Variants in ASXL3 observed in about 807,000 individuals in gnomAD.
The protein encoded by ASXL3 is ASXL transcriptional regulator 3, also known as putative Polycomb group protein ASXL3.
ASXL3 carries 34 observed loss-of-function variants against 170.6 expected under a neutral mutation model. The observed-to-expected ratio is 0.20, with a 90% CI of 0.15 to 0.27. The LOEUF (loss-of-function observed/expected upper bound fraction) is 0.27, where lower values mean the gene tolerates loss of function less well. Among genes scored for constraint, ASXL3 ranks in the 10% least tolerant of loss-of-function variants. The pLI is 1.00. For missense variants in ASXL3, 2,592 were observed against 2,695.3 expected (o/e 0.96, Z 0.85); for synonymous variants, 1,002 against 989.1 (o/e 1.01, Z -0.24).
At chr18:33,679,972 T>C (rs2066488766) in intron 7 of ASXL3, among the ~76,000 whole-genome samples, 1 of 152,032 alleles carries the variant, frequency 6.6e-6, no homozygotes, top group Admixed American at 6.5e-5. Context: ...TTCATTATTC[T>C]TTTCTGTTTA....
In ASXL3 at chr18:33,746,646, G is replaced by A; in HGVS notation, c.*51G>A. Reference sequence around the variant, plus strand: ...CTTTTCCACACGGAAAAGCCAAATAGCATCAGCAACAACAAATAGAATAAT... The same window carrying A: ...CTTTTCCACACGGAAAAGCCAAATAACATCAGCAACAACAAATAGAATAAT... On this transcript the variant is annotated 3_prime_UTR_variant, in exon 12 of 12. Transcript: ENST00000269197. 5 of 1,507,646 alleles carry A rather than the reference G, an allele frequency of 3.3e-6. No individual in the cohort carries two copies. The highest frequency in any genetic ancestry group is 4.4e-6 in the Non-Finnish European group (5 of 1,134,500). The allele number at this position is 1,507,646 out of a possible 1,614,324, so 93.4% of individuals were successfully genotyped here.
At position 33,670,810 on chromosome 18, in the gene ASXL3, T is replaced by C; in HGVS notation, c.595+20T>C. 8.2e-6 allele frequency: 12 copies of C among 1,472,322 alleles called. No homozygotes were observed. Among genetic ancestry groups the C allele is most frequent in the Non-Finnish European group, 1.1e-5 (12 of 1,091,036 alleles). The allele number at this position is 1,472,322 out of a possible 1,614,324, so 91.2% of individuals were successfully genotyped here. Reference sequence around the variant, plus strand: ...CTTCAGGTAAAGAGCTGAAATATCATATGCTTGGCCAGTTTCTTCCTGGAG... The same window carrying C: ...CTTCAGGTAAAGAGCTGAAATATCACATGCTTGGCCAGTTTCTTCCTGGAG... On this transcript the variant is annotated intron_variant, in intron 6 of 11. Transcript: ENST00000269197.
At chr18:33,697,992 G>A (rs1482662457) in intron 8 of ASXL3, among the ~76,000 whole-genome samples, 1 of 152,036 alleles carries the variant, frequency 6.6e-6, no homozygotes, top group Non-Finnish European at 1.5e-5. Context: ...CCAGTAGATG[G>A]ATAGTGGTGC....
At chr18:33,622,204 C>T (rs2065525832) in intron 2 of ASXL3, among the ~76,000 whole-genome samples, 1 of 152,024 alleles carries the variant, frequency 6.6e-6, no homozygotes, top group Non-Finnish European at 1.5e-5. Context: ...GCAGCTAAAT[C>T]CAATATAATT....
chr18:33,700,342 G>A (rs2066849527), intron 8 of ASXL3, among the ~76,000 whole-genome samples: 1 of 151,990 alleles, frequency 6.6e-6, no homozygotes, highest in Admixed American at 6.6e-5. Flanking sequence ...AGGGGACAGA[G>A]GACTGCTTCC....
intron 4 of ASXL3, among the ~76,000 whole-genome samples, chr18:33,658,846 G>T (rs973834160): frequency 1.3e-5 from 2 of 152,038 alleles, no homozygotes; most frequent in Non-Finnish European, 1.5e-5. Context: ...TAAGGAAAAT[G>T]AATCATTTTT....
intron 7 of ASXL3, among the ~76,000 whole-genome samples, chr18:33,681,068 G>A (rs2066506415): frequency 6.6e-6 from 1 of 151,344 alleles, no homozygotes; most frequent in Non-Finnish European, 1.5e-5. Flanking sequence ...TACTTCCAGA[G>A]TTTTAATGAA....
rs539693787 is a variant in ASXL3 at position 33,675,999 on chromosome 18, C to T, written c.715+4133C>T. On this transcript the variant is annotated intron_variant, in intron 7 of 11. Coordinates refer to ENST00000269197, the MANE Select transcript of ASXL3 (RefSeq NM_030632.3). ...CAGCACTTTGGGAGGCCAAGGCGGG[C>T]GGATCACGAGGTCAGGAGATCGAGA... Among the ~76,000 whole-genome samples, 625 of 151,710 alleles carry T rather than the reference C, an allele frequency of 4.1e-3. 4 individuals carry two copies. The highest frequency in any genetic ancestry group is 6.3e-3 in the Non-Finnish European group (426 of 67,902).
At chr18:33,624,631 G>A (rs1245899961) in intron 2 of ASXL3, among the ~76,000 whole-genome samples, 1 of 151,986 alleles carries the variant, frequency 6.6e-6, no homozygotes, top group East Asian at 1.9e-4. Flanking sequence ...ATGTTTTTGG[G>A]GAAAAGGGAT....
At chr18:33,719,756 A>G (rs1397875076) in intron 8 of ASXL3, among the ~76,000 whole-genome samples, 1 of 151,982 alleles carries the variant, frequency 6.6e-6, no homozygotes, top group East Asian at 1.9e-4. Flanking sequence ...CCCTTCCACC[A>G]TGGAGGCAAC....
intron 2 of ASXL3, among the ~76,000 whole-genome samples, chr18:33,621,751 A>G (rs967569459): frequency 1.3e-5 from 2 of 152,068 alleles, no homozygotes; most frequent in African/African-American, 4.8e-5. Flanking sequence ...ATTATTTTCC[A>G]GTTTTTGTTT....
chr18:33,746,361 T>C lies in ASXL3; in HGVS notation c.6513T>C (p.Ile2171=), dbSNP rs1214896213. 3.1e-6 allele frequency: 5 copies of C among 1,613,832 alleles called. No individual in the cohort carries two copies. In the African/African-American group the frequency reaches 5.3e-5, roughly 17 times the overall value. The change falls in exon 12 of 12, where the codon ATT becomes ATC. Residue 2171 remains isoleucine, a synonymous_variant. Transcript: ENST00000269197. ...GTTTCAAAAGGGCAGCATCTGCAAT[T>C]GAAAAGTCCATTGGGATTTTGGGAA... ...STSFKRAASA[I]EKSIGILGSG...
intron 8 of ASXL3, among the ~76,000 whole-genome samples, chr18:33,725,148 A>G (rs1017278369): frequency 1.3e-5 from 2 of 152,142 alleles, no homozygotes; most frequent in African/African-American, 2.4e-5. Context: ...AAGTGGCTCA[A>G]TGATAACAGC....
chr18:33,603,042 A>C (rs1450184805), intron 1 of ASXL3, among the ~76,000 whole-genome samples: 1 of 152,148 alleles, frequency 6.6e-6, no homozygotes, highest in African/African-American at 2.4e-5. Flanking sequence ...ATACCCACTT[A>C]GAATTCCACA....
In ASXL3 at chr18:33,748,807, A is replaced by G. The variant is rs765379492; in HGVS notation, c.*2212A>G. The G allele has an allele frequency of 7.2e-5, 11 of 152,240 alleles. No individual in the cohort carries two copies. The highest frequency in any genetic ancestry group is 1.6e-4 in the Non-Finnish European group (11 of 68,046). 9.4% of individuals were successfully genotyped at this position (152,240 alleles called of 1,614,324 possible). A position where few individuals can be genotyped will look rare whatever the true frequency, so the allele number is the denominator to read the frequency against. Reference sequence around the variant, plus strand: ...TGTCTACACCAGCAAATTGAAAACCATCACATCAGTAACTGACATGGTGTC... The same window carrying G: ...TGTCTACACCAGCAAATTGAAAACCGTCACATCAGTAACTGACATGGTGTC... On this transcript the variant is annotated 3_prime_UTR_variant, in exon 12 of 12. Coordinates refer to ENST00000269197, the MANE Select transcript of ASXL3 (RefSeq NM_030632.3).
intron 2 of ASXL3, among the ~76,000 whole-genome samples, chr18:33,619,001 T>A (rs1316548266): frequency 6.6e-6 from 1 of 152,126 alleles, no homozygotes; most frequent in Non-Finnish European, 1.5e-5. Flanking sequence ...ATAATAAAAA[T>A]AATACCTAAC....
chr18:33,648,542 A>G (rs1232463570), intron 4 of ASXL3, among the ~76,000 whole-genome samples: 2 of 152,096 alleles, frequency 1.3e-5, no homozygotes. Context: ...CTTTTTCAAT[A>G]TCTAGGTGGA....
At chr18:33,671,999 C>A in intron 7 of ASXL3, 133 bp downstream of exon 7, 2 of 950,100 alleles carry the variant, frequency 2.1e-6, no homozygotes, top group Non-Finnish European at 3.0e-6. Flanking sequence ...TTATCAAAAC[C>A]AAAAAGAATG....
intron 2 of ASXL3, among the ~76,000 whole-genome samples, chr18:33,642,232 A>G (rs2065855961): frequency 6.6e-6 from 1 of 152,116 alleles, no homozygotes; most frequent in East Asian, 1.9e-4. Flanking sequence ...AATGTTGTCT[A>G]AGTTTTCTGT....
Sources: allele counts gnomAD v4.1 joint callset (sites outside exome capture counted in the v4.1 genomes callset), GRCh38; gene constraint gnomAD v4.1.1; transcripts MANE v1.5; gene names NCBI Gene and HGNC (gene_info 2026-07-23, HGNC 2026-07-21).